RPS6KA2: variants seen among roughly 807,000 people sequenced by gnomAD.
RPS6KA2 encodes the protein ribosomal protein S6 kinase alpha-2.
Under a neutral mutation model 91.8 loss-of-function variants are expected in RPS6KA2, and 42 were observed. The ratio of observed to expected loss-of-function variants is 0.46; its 90% CI spans 0.36 to 0.59. RPS6KA2 has a LOEUF of 0.59. Ranked by LOEUF, RPS6KA2 falls within the 20% of genes least tolerant of loss-of-function variation. The probability of loss-of-function intolerance (pLI) is 0.00; values close to 1 mark genes in which losing one functional copy is unlikely to be tolerated. For synonymous variants in RPS6KA2, 414 were observed against 393.6 expected (o/e 1.05, Z -0.61); for missense variants, 798 against 978.5 (o/e 0.82, Z 2.46).
chr6:166,510,232 G>C, intron 4 of RPS6KA2, 45 bp downstream of exon 4: 1 of 1,160,030 alleles, frequency 8.6e-7, no homozygotes, highest in South Asian at 1.3e-5. Flanking sequence ...ATCTGGAGAA[G>C]GTTGCCCTGG....
chr6:166,647,972 A>G (rs1293644380), intron 2 of RPS6KA2, among the ~76,000 whole-genome samples: 68 of 115,536 alleles, frequency 5.9e-4, no homozygotes, highest in African/African-American at 2.0e-3. Context: ...ACATACATAC[A>G]CACATGCTCA....
chr6:166,858,454 C>A (rs889492629), intron 1 of RPS6KA2, among the ~76,000 whole-genome samples: 3 of 152,194 alleles, frequency 2.0e-5, no homozygotes. Flanking sequence ...GAGATGGATC[C>A]TTTATACAAC....
rs866484051 is a variant in RPS6KA2, at chr6:166,494,082, A to G, written c.748-3341T>C. 6.6e-6 allele frequency among the ~76,000 whole-genome samples: 1 copy of G among 152,174 alleles called. No homozygotes were observed. Among genetic ancestry groups the G allele is most frequent in the African/African-American group, 2.4e-5 (1 of 41,436 alleles). ...AAAAGGGCACCAAAAGCAAGCTAAC[A>G]TTTTAATCTGAAAACAGGCGAGGAC... On this transcript the variant is annotated intron_variant, in intron 8 of 20. Coordinates refer to ENST00000265678, the MANE Select transcript of RPS6KA2 (RefSeq NM_021135.6). This position sits in a 1 kb window ranked among gnomAD's most constrained non-coding sequence, Gnocchi z 5.1.
intron 15 of RPS6KA2, among the ~76,000 whole-genome samples, chr6:166,431,895 TG>T (rs1779144042): frequency 6.6e-6 from 1 of 152,218 alleles, no homozygotes. Context: ...CCCAAAGTGC[TG>T]GGATTACAGG....
intron 1 of RPS6KA2, among the ~76,000 whole-genome samples, chr6:166,546,144 T>G (rs1416048671): frequency 1.3e-5 from 2 of 152,180 alleles, no homozygotes; most frequent in Non-Finnish European, 2.9e-5. Context: ...TAAAGACTCA[T>G]TACTAGCATC....
At chr6:166,845,963 C>T (rs957309610) in intron 2 of RPS6KA2, among the ~76,000 whole-genome samples, 5 of 151,764 alleles carry the variant, frequency 3.3e-5, no homozygotes, top group Admixed American at 6.6e-5. Context: ...AGATCATTAG[C>T]GAGATTAACC....
At chr6:166,703,528 C>T (rs1285163155) in intron 2 of RPS6KA2, among the ~76,000 whole-genome samples, 2 of 152,212 alleles carry the variant, frequency 1.3e-5, no homozygotes, top group Non-Finnish European at 2.9e-5. Flanking sequence ...ATAATCACAG[C>T]TAAGGCAGCT....
At chr6:166,834,308 C>A (rs879756637) in intron 2 of RPS6KA2, among the ~76,000 whole-genome samples, 22 of 152,146 alleles carry the variant, frequency 1.4e-4, no homozygotes, top group Non-Finnish European at 2.9e-4. Flanking sequence ...CATCTTTTCA[C>A]ACACTCATTT....
rs902746610 is a variant in RPS6KA2 at position 166,635,566 on chromosome 6, G to A, written c.124-96782C>T. ...GCCAGTGAGAGCATGGTCCTGAGGAGGTTCATTTGGCTGCTGTGTGAGGGT... is the reference window on the plus strand; with the variant it reads ...GCCAGTGAGAGCATGGTCCTGAGGAAGTTCATTTGGCTGCTGTGTGAGGGT... On this transcript the variant is annotated intron_variant, in intron 2 of 21. Coordinates refer to the RPS6KA2 transcript ENST00000503859. The surrounding 1 kb of genome is among the most constrained non-coding windows in gnomAD (Gnocchi z 4.8). 2.0e-5 allele frequency among the ~76,000 whole-genome samples: 3 copies of A among 152,356 alleles called. No homozygotes were observed. The highest frequency in any genetic ancestry group is 3.4e-3 in the Middle Eastern group (1 of 294).
rs915843671 is a variant in RPS6KA2, at chr6:166,508,471, G to T, written c.380-189C>A. On this transcript the variant is annotated intron_variant, in intron 4 of 20. Coordinates refer to ENST00000265678, the MANE Select transcript of RPS6KA2 (RefSeq NM_021135.6). This position sits in a 1 kb window ranked among gnomAD's most constrained non-coding sequence, Gnocchi z 4.3. ...GCAGAGGGGGTCTGACACTGTGAGCGCTGCCCCTCTCTCACTGTCGTTAGG... is the reference window on the plus strand; with the variant it reads ...GCAGAGGGGGTCTGACACTGTGAGCTCTGCCCCTCTCTCACTGTCGTTAGG... 3.1e-5 allele frequency among the ~76,000 whole-genome samples: 2 copies of T among 64,796 alleles called. No homozygotes were observed. Among genetic ancestry groups the T allele is most frequent in the East Asian group, 8.3e-4 (2 of 2,422 alleles). 42.5% of individuals were successfully genotyped at this position (64,796 alleles called of 152,430 possible).
At position 166,821,734 on chromosome 6, in the gene RPS6KA2, C is replaced by T. The variant is rs1025737765; in HGVS notation, c.123+36466G>A. ...CCCTTCACTTTAAAAACCATGTTTG[C>T]TGAGGATGCCCAGTAGTAAGGCCCT... On this transcript the variant is annotated intron_variant, in intron 2 of 21. Coordinates refer to the RPS6KA2 transcript ENST00000503859. The surrounding 1 kb of genome is among the most constrained non-coding windows in gnomAD (Gnocchi z 4.1). Among the ~76,000 whole-genome samples the T allele has an allele frequency of 2.6e-5, 4 of 152,146 alleles. No individual in the cohort carries two copies. The highest frequency in any genetic ancestry group is 5.9e-5 in the Non-Finnish European group (4 of 68,034).
rs115655341 is a variant in RPS6KA2, at chr6:166,463,829, G to A, written c.973-4278C>T. Among the ~76,000 whole-genome samples the A allele has an allele frequency of 3.3e-5, 5 of 152,284 alleles. No homozygotes were observed. The East Asian group carries it at 7.7e-4, about 24-fold the overall frequency. On this transcript the variant is annotated intron_variant, in intron 11 of 20. Coordinates refer to ENST00000265678, the MANE Select transcript of RPS6KA2 (RefSeq NM_021135.6). ...GAGAGAAGACAGGATCGAAAGCGCCGCAGGAAGAATCTAAACGATTTTCAA... is the reference window on the plus strand; with the variant it reads ...GAGAGAAGACAGGATCGAAAGCGCCACAGGAAGAATCTAAACGATTTTCAA...
intron 2 of RPS6KA2, among the ~76,000 whole-genome samples, chr6:166,772,844 T>A (rs1053526959): frequency 1.3e-5 from 2 of 152,196 alleles, no homozygotes; most frequent in African/African-American, 4.8e-5. Flanking sequence ...TGACTGTCTT[T>A]CCCTTCTCAC....
chr6:166,412,920 G>T lies in RPS6KA2; in HGVS notation c.2077-33C>A. ...ACAGAAGACAAGGGTGAGAGCCGCG[G>T]CGCCTCACTCCAGGGGTTGAGCCGG... On this transcript the variant is annotated intron_variant, in intron 20 of 20. Coordinates refer to ENST00000265678, the MANE Select transcript of RPS6KA2 (RefSeq NM_021135.6). The surrounding 1 kb of genome is among the most constrained non-coding windows in gnomAD (Gnocchi z 4.3). 1 of 1,533,520 alleles carries T rather than the reference G, an allele frequency of 6.5e-7. No individual in the cohort carries two copies. The allele number at this position is 1,533,520 out of a possible 1,614,324, so 95.0% of individuals were successfully genotyped here. A position where few individuals can be genotyped will look rare whatever the true frequency, so the allele number is the denominator to read the frequency against.
At chr6:166,507,367 AAC>A (rs3837033) in intron 5 of RPS6KA2, among the ~76,000 whole-genome samples, 155 of 80,186 alleles carry the variant, frequency 1.9e-3, no homozygotes, top group African/African-American at 6.9e-3. Flanking sequence ...CAGCACACCC[AAC>A]ACACACACAC....
intron 2 of RPS6KA2, among the ~76,000 whole-genome samples, chr6:166,703,599 T>C (rs1361705033): frequency 3.3e-5 from 5 of 152,264 alleles, no homozygotes; most frequent in African/African-American, 1.2e-4. Flanking sequence ...CTTCTTAGTC[T>C]GCATCATTAA....
chr6:166,809,851 T>C (rs553271766), intron 2 of RPS6KA2, among the ~76,000 whole-genome samples: 48 of 152,190 alleles, frequency 3.2e-4, no homozygotes, highest in Non-Finnish European at 5.7e-4. Flanking sequence ...CGCAGGCCCA[T>C]GGATGCATGT....
At chr6:166,707,916 G>T (rs1015105185) in intron 2 of RPS6KA2, among the ~76,000 whole-genome samples, 3 of 152,034 alleles carry the variant, frequency 2.0e-5, no homozygotes, top group African/African-American at 4.8e-5. Flanking sequence ...GATAATTTTT[G>T]AATATTTTAC....
rs1288958643 is a variant in RPS6KA2, at chr6:166,825,428, CAG to C, written c.123+32770_123+32771del. Among the ~76,000 whole-genome samples, 1 of 152,214 alleles carries C rather than the reference CAG, an allele frequency of 6.6e-6. No homozygotes were observed. Among genetic ancestry groups the C allele is most frequent in the Admixed American group, 6.5e-5 (1 of 15,284 alleles). On this transcript the variant is annotated intron_variant, in intron 2 of 21. Transcript: ENST00000503859. This position sits in a 1 kb window ranked among gnomAD's most constrained non-coding sequence, Gnocchi z 4.1. The stretch of plus-strand genomic sequence containing the variant: ...GAAATGGAGTTTAGGTGGAATACAG[CAG>C]AGAGGGACCCCTGGGCAGGCCTGCT...
Sources: allele counts gnomAD v4.1 joint callset (sites outside exome capture counted in the v4.1 genomes callset), GRCh38; gene constraint gnomAD v4.1.1; non-coding constraint Gnocchi (gnomAD v3.1); transcripts MANE v1.5; gene names NCBI Gene and HGNC (gene_info 2026-07-23, HGNC 2026-07-21).